SLC39A10: variants seen among roughly 807,000 people sequenced by gnomAD.
The protein encoded by SLC39A10 is zinc transporter ZIP10.
Under a neutral mutation model 65.1 loss-of-function variants are expected in SLC39A10, and 13 were observed. That is an observed-to-expected ratio of 0.20 (90% CI 0.13 to 0.32). The LOEUF (loss-of-function observed/expected upper bound fraction) is 0.32, where lower values mean the gene tolerates loss of function less well. SLC39A10 is among the 10% of genes least tolerant of loss of function. SLC39A10 has a pLI of 1.00. For missense variants in SLC39A10, 831 were observed against 1,018.4 expected, an observed-to-expected ratio of 0.82 and a Z score of 2.50; for synonymous variants, 321 against 342.2, an observed-to-expected ratio of 0.94 and a Z score of 0.68.
intron 2 of SLC39A10, among the ~76,000 whole-genome samples, chr2:195,649,805 A>G (rs935205609): frequency 1.3e-5 from 2 of 152,188 alleles, no homozygotes; most frequent in Non-Finnish European, 2.9e-5. Flanking sequence ...TAAAATGGCT[A>G]CCTACCACAC....
At chr2:195,670,530 A>T (rs942830926) in intron 1 of SLC39A10, 13 of 152,184 alleles carry the variant, frequency 8.5e-5, no homozygotes, top group Non-Finnish European at 1.6e-4. Flanking sequence ...AAGTATAACC[A>T]TGTATTTTGT....
intron 9 of SLC39A10, 128 bp from the exon 10 acceptor site, chr2:195,734,755 C>A: frequency 1.1e-6 from 1 of 902,636 alleles, no homozygotes; most frequent in Non-Finnish European, 1.6e-6. Flanking sequence ...GCATTGTGTT[C>A]AATAAAATAA....
At chr2:195,613,085 C>T (rs1212991825) in intron 2 of SLC39A10, among the ~76,000 whole-genome samples, 2 of 152,078 alleles carry the variant, frequency 1.3e-5, no homozygotes, top group Non-Finnish European at 2.9e-5. Flanking sequence ...AAGTTAAGCA[C>T]GTCCTGTAAG....
At chr2:195,726,385 T>G (rs34810816) in intron 8 of SLC39A10, among the ~76,000 whole-genome samples, 18,236 of 152,140 alleles carry the variant, frequency 0.12, 1,422 homozygotes, top group Middle Eastern at 0.25. Context: ...GGTGTGTGAT[T>G]TATTGAAAAC....
Position 195,735,440 on chromosome 2 carries a change from T to G in SLC39A10, c.*399T>G, listed in dbSNP as rs1692561346. On this transcript the variant is annotated 3_prime_UTR_variant, in exon 10 of 10. Transcript: ENST00000359634. ...TAAATGGACTTTGGGGAGACATTTTTTGTGTGTTTTAAGAATGAATTGTAG... is the reference window on the plus strand; with the variant it reads ...TAAATGGACTTTGGGGAGACATTTTGTGTGTGTTTTAAGAATGAATTGTAG... The G allele has an allele frequency of 6.5e-6, 1 of 153,874 alleles. No homozygotes were observed. Among genetic ancestry groups the G allele is most frequent in the Non-Finnish European group, 1.5e-5 (1 of 68,958 alleles). The allele number at this position is 153,874 out of a possible 1,614,324, so 9.5% of individuals were successfully genotyped here. A position where few individuals can be genotyped will look rare whatever the true frequency, so the allele number is the denominator to read the frequency against.
At chr2:195,730,430 A>G (rs2105848374) in intron 9 of SLC39A10, among the ~76,000 whole-genome samples, 1 of 152,290 alleles carries the variant, frequency 6.6e-6, no homozygotes, top group Admixed American at 6.5e-5. Flanking sequence ...CTTGGGTTCA[A>G]GCAATTTTCA....
chr2:195,637,589 C>T (rs1688719459), intron 2 of SLC39A10, among the ~76,000 whole-genome samples: 1 of 152,026 alleles, frequency 6.6e-6, no homozygotes, highest in African/African-American at 2.4e-5. Flanking sequence ...TAATGGTGGT[C>T]AAGAAAACAG....
At chr2:195,650,215 G>C (rs1259086651) in intron 2 of SLC39A10, among the ~76,000 whole-genome samples, 1 of 151,198 alleles carries the variant, frequency 6.6e-6, no homozygotes, top group East Asian at 1.9e-4. Context: ...CCGGGAGGCG[G>C]AGCTTGCAGT....
intron 2 of SLC39A10, among the ~76,000 whole-genome samples, chr2:195,619,819 T>C (rs1688312655): frequency 6.6e-6 from 1 of 152,160 alleles, no homozygotes; most frequent in African/African-American, 2.4e-5. Context: ...AATAATTTAG[T>C]ATTAGCCTCC....
intron 3 of SLC39A10, among the ~76,000 whole-genome samples, chr2:195,686,160 A>C (rs1690515528): frequency 6.6e-6 from 1 of 152,192 alleles, no homozygotes; most frequent in East Asian, 1.9e-4. Context: ...ATAATAAAGG[A>C]TTGAGAGGAC....
intron 2 of SLC39A10, among the ~76,000 whole-genome samples, chr2:195,642,494 C>T (rs946761255): frequency 1.3e-5 from 2 of 152,118 alleles, no homozygotes; most frequent in Non-Finnish European, 2.9e-5. Context: ...ATGTGTTCTG[C>T]TTGGGACATT....
chr2:195,637,799 T>C (rs1688722246), intron 2 of SLC39A10, among the ~76,000 whole-genome samples: 1 of 152,144 alleles, frequency 6.6e-6, no homozygotes, highest in Non-Finnish European at 1.5e-5. Context: ...GATTTGACCT[T>C]TAAAAAAGAT....
At chr2:195,668,726 G>T (rs975224715) in intron 1 of SLC39A10, among the ~76,000 whole-genome samples, 1 of 152,114 alleles carries the variant, frequency 6.6e-6, no homozygotes, top group African/African-American at 2.4e-5. Flanking sequence ...TTGGTTGTTG[G>T]TTTTGGTTTT....
rs369696487 is a variant in SLC39A10, at chr2:195,718,272, T to C, written c.2086T>C (p.Leu696=). 1.9e-6 allele frequency: 3 copies of C among 1,608,454 alleles called. No homozygotes were observed. The highest frequency in any genetic ancestry group is 2.7e-5 in the African/African-American group (2 of 74,898). Residue 696 remains leucine, a synonymous_variant, in exon 8 of 10, where the codon TTG becomes CTG. Coordinates refer to ENST00000359634, the MANE Select transcript of SLC39A10 (RefSeq NM_020342.3). The part of the protein sequence containing the change: ...LAIGAAFSAG[L]TGGISTSIAV... ...CTCAGGTGCAGCTTTCAGTGCTGGA[T>C]TGACAGGAGGAATCAGTACTTCTAT...
chr2:195,628,842 A>T (rs1252865323), intron 2 of SLC39A10, among the ~76,000 whole-genome samples: 1 of 152,192 alleles, frequency 6.6e-6, no homozygotes, highest in East Asian at 1.9e-4. Flanking sequence ...ACAGTTTCAA[A>T]TGTAATCTAA....
At chr2:195,711,839 C>G (rs1233570077) in intron 5 of SLC39A10, among the ~76,000 whole-genome samples, 1 of 152,182 alleles carries the variant, frequency 6.6e-6, no homozygotes. Flanking sequence ...TTCTCATTGA[C>G]TTTTGTACTA....
chr2:195,653,539 C>G (rs1210954784), upstream of SLC39A10, among the ~76,000 whole-genome samples: 2 of 152,176 alleles, frequency 1.3e-5, no homozygotes, highest in South Asian at 2.1e-4. Context: ...AGGTGATCCA[C>G]CCGCCTTGGC....
intron 8 of SLC39A10, among the ~76,000 whole-genome samples, chr2:195,723,108 T>C (rs1179681175): frequency 6.6e-6 from 1 of 152,192 alleles, no homozygotes; most frequent in East Asian, 1.9e-4. Flanking sequence ...CTTAGAACCA[T>C]AGAATAACAT....
At chr2:195,698,388 T>A (rs1343713933) in intron 3 of SLC39A10, among the ~76,000 whole-genome samples, 1 of 152,144 alleles carries the variant, frequency 6.6e-6, no homozygotes, top group East Asian at 1.9e-4. Flanking sequence ...CAAGCATCCT[T>A]GTTTTGTTCT....
Sources: gnomAD v4.1 joint callset for allele counts (sites outside exome capture counted in the v4.1 genomes callset) on GRCh38, gnomAD v4.1.1 for gene constraint, MANE v1.5 for transcripts, NCBI Gene and HGNC (gene_info 2026-07-23, HGNC 2026-07-21) for gene names.